SLCO3A1: variants seen among roughly 807,000 people sequenced by gnomAD.
SLCO3A1 encodes PGE1 transporter.
A neutral mutation model predicts 63.1 loss-of-function variants in SLCO3A1; 27 were observed. That is an observed-to-expected ratio of 0.43 (90% CI 0.32 to 0.59). The LOEUF is 0.59. Ranked by LOEUF, SLCO3A1 falls within the 20% of genes least tolerant of loss-of-function variation. The probability of loss-of-function intolerance (pLI) is 0.09; values close to 1 mark genes in which losing one functional copy is unlikely to be tolerated. For synonymous variants in SLCO3A1, 473 were observed against 409.9 expected (o/e 1.15, Z -1.86); for missense variants, 773 against 945.8 (o/e 0.82, Z 2.40).
At chr15:92,108,040 A>G (rs891035746) in intron 4 of SLCO3A1, among the ~76,000 whole-genome samples, 4 of 152,164 alleles carry the variant, frequency 2.6e-5, no homozygotes, top group Non-Finnish European at 5.9e-5. Flanking sequence ...ACATTCCCCT[A>G]AAAAAAGCGG....
At chr15:91,945,075 G>A (rs753020685) in intron 2 of SLCO3A1, among the ~76,000 whole-genome samples, 2 of 152,152 alleles carry the variant, frequency 1.3e-5, no homozygotes, top group Non-Finnish European at 2.9e-5. Flanking sequence ...GTTGGGCATG[G>A]TGGCTCATGC....
intron 2 of SLCO3A1, among the ~76,000 whole-genome samples, chr15:92,069,655 G>C (rs921941518): frequency 6.6e-6 from 1 of 152,164 alleles, no homozygotes; most frequent in Non-Finnish European, 1.5e-5. Context: ...CAGAATGAGA[G>C]CTGGACCTGC....
At chr15:91,953,026 T>C (rs920869303) in intron 2 of SLCO3A1, among the ~76,000 whole-genome samples, 17 of 152,030 alleles carry the variant, frequency 1.1e-4, no homozygotes, top group Non-Finnish European at 2.4e-4. Flanking sequence ...TCCCAAGAAG[T>C]AGATAGGCAT....
intron 2 of SLCO3A1, among the ~76,000 whole-genome samples, chr15:92,054,462 T>C (rs2046998290): frequency 6.6e-6 from 1 of 152,212 alleles, no homozygotes; most frequent in Non-Finnish European, 1.5e-5. Flanking sequence ...TATTATTGTT[T>C]TTTTCAGTTC....
chr15:92,072,665 GC>G (rs768262631), intron 2 of SLCO3A1, among the ~76,000 whole-genome samples: 5 of 152,162 alleles, frequency 3.3e-5, no homozygotes, highest in Non-Finnish European at 7.3e-5. Flanking sequence ...ATCCTTCCTT[GC>G]CTTTCCAGCT....
At chr15:92,044,007 T>C (rs969461475) in intron 2 of SLCO3A1, among the ~76,000 whole-genome samples, 4 of 152,308 alleles carry the variant, frequency 2.6e-5, no homozygotes, top group Middle Eastern at 3.4e-3. Flanking sequence ...AAGGAACTTT[T>C]CTCTAGACCC....
chr15:91,960,296 T>G (rs534651280), intron 2 of SLCO3A1, among the ~76,000 whole-genome samples: 1 of 152,358 alleles, frequency 6.6e-6, no homozygotes, highest in South Asian at 2.1e-4. Context: ...TGTGGCCTTT[T>G]ATGACTGCCT....
chr15:91,974,056 A>C (rs1164687919), intron 2 of SLCO3A1, among the ~76,000 whole-genome samples: 1 of 152,106 alleles, frequency 6.6e-6, no homozygotes, highest in African/African-American at 2.4e-5. Flanking sequence ...GTGACAAGGC[A>C]GGCAAGAGAG....
chr15:92,161,151 G>A (rs753974450), intron 9 of SLCO3A1, among the ~76,000 whole-genome samples: 3 of 152,166 alleles, frequency 2.0e-5, no homozygotes, highest in Non-Finnish European at 2.9e-5. Context: ...TCCTCCTCCT[G>A]CAGTCTGTCA....
At chr15:91,987,047 T>TG (rs2046062228) in intron 2 of SLCO3A1, among the ~76,000 whole-genome samples, 1 of 152,174 alleles carries the variant, frequency 6.6e-6, no homozygotes, top group Non-Finnish European at 1.5e-5. Flanking sequence ...TCTTTGGGGC[T>TG]TCACAGCCCC....
At chr15:92,119,040 G>A (rs1228267752) in intron 4 of SLCO3A1, among the ~76,000 whole-genome samples, 1 of 152,178 alleles carries the variant, frequency 6.6e-6, no homozygotes, top group Admixed American at 6.6e-5. Flanking sequence ...CGATGTATCA[G>A]CTGTATTTCA....
At chr15:91,878,626 T>C (rs1465598313) in intron 1 of SLCO3A1, among the ~76,000 whole-genome samples, 2 of 152,188 alleles carry the variant, frequency 1.3e-5, no homozygotes, top group Non-Finnish European at 2.9e-5. Context: ...CCTACCACAC[T>C]CTGTTATGTT....
rs911139209 is a variant in SLCO3A1 at position 91,991,538 on chromosome 15, C to T, written c.646+75080C>T. On this transcript the variant is annotated intron_variant, in intron 2 of 9. Transcript: ENST00000318445. Reference sequence around the variant, plus strand: ...GGCTCAGTGCCATCCAGTAGACATACGCAAGACATTTGAGTGATCTAAAAT... The same window carrying T: ...GGCTCAGTGCCATCCAGTAGACATATGCAAGACATTTGAGTGATCTAAAAT... 3.2e-4 allele frequency among the ~76,000 whole-genome samples: 48 copies of T among 152,132 alleles called. 2 individuals carry two copies. Among genetic ancestry groups the T allele is most frequent in the Non-Finnish European group, 1.5e-4 (10 of 68,026 alleles).
intron 8 of SLCO3A1, among the ~76,000 whole-genome samples, chr15:92,148,018 A>G (rs943734734): frequency 1.3e-5 from 2 of 152,264 alleles, no homozygotes; most frequent in Middle Eastern, 3.4e-3. Flanking sequence ...GGGGTTTGAG[A>G]CCAGCCTAGC....
chr15:91,930,900 G>T (rs568626616), intron 2 of SLCO3A1, among the ~76,000 whole-genome samples: 1 of 152,338 alleles, frequency 6.6e-6, no homozygotes, highest in South Asian at 2.1e-4. Context: ...AGTCAAGGGG[G>T]TTCTTGCTCC....
chr15:92,069,062 C>G (rs1469965329), intron 2 of SLCO3A1, among the ~76,000 whole-genome samples: 3 of 152,082 alleles, frequency 2.0e-5, no homozygotes, highest in South Asian at 2.1e-4. Flanking sequence ...ACTCCATGCT[C>G]CAAATCAGTG....
rs1555424442 is a variant in SLCO3A1, at chr15:92,016,254, T to TTGATTAGATAGA, written c.647-78626_647-78625insGATTAGATAGAT. Reference sequence around the variant, plus strand: ...ATAGATAGATAGATAGATAGATAGATTAGATAGATAGATAGATAGATAGAT... The same window carrying TTGATTAGATAGA: ...ATAGATAGATAGATAGATAGATAGATTGATTAGATAGATAGATAGATAGATAGATAGATAGAT... On this transcript the variant is annotated intron_variant, in intron 2 of 9. Coordinates refer to ENST00000318445, the MANE Select transcript of SLCO3A1 (RefSeq NM_013272.4). 3.1e-3 allele frequency among the ~76,000 whole-genome samples: 293 copies of TTGATTAGATAGA among 95,708 alleles called. 2 individuals are homozygous for TTGATTAGATAGA. The highest frequency in any genetic ancestry group is 7.5e-3 in the Middle Eastern group (1 of 134). 62.8% of individuals were successfully genotyped at this position (95,708 alleles called of 152,430 possible).
At chr15:92,020,016 C>T (rs1322764022) in intron 2 of SLCO3A1, among the ~76,000 whole-genome samples, 5 of 152,090 alleles carry the variant, frequency 3.3e-5, no homozygotes, top group African/African-American at 1.2e-4. Context: ...TGAGAGAGGG[C>T]GCTTCCAAAG....
At chr15:91,868,633 C>T (rs776023395) in intron 1 of SLCO3A1, among the ~76,000 whole-genome samples, 2 of 151,998 alleles carry the variant, frequency 1.3e-5, no homozygotes, top group Non-Finnish European at 2.9e-5. Flanking sequence ...GCTGGTTAGT[C>T]TTGTGTGGCT....
Sources: gnomAD v4.1 joint callset for allele counts (sites outside exome capture counted in the v4.1 genomes callset) on GRCh38, gnomAD v4.1.1 for gene constraint, MANE v1.5 for transcripts, NCBI Gene and HGNC (gene_info 2026-07-23, HGNC 2026-07-21) for gene names.